PTPRG: variants seen among roughly 807,000 people sequenced by gnomAD.
The protein encoded by PTPRG is receptor-type tyrosine-protein phosphatase gamma.
Under a neutral mutation model 165.3 loss-of-function variants are expected in PTPRG, and 102 were observed. That is an observed-to-expected ratio of 0.62 (90% CI 0.53 to 0.73). The LOEUF (loss-of-function observed/expected upper bound fraction) is 0.73, where lower values mean the gene tolerates loss of function less well. Ranked by LOEUF, PTPRG falls within the 30% of genes least tolerant of loss-of-function variation. The pLI is 0.00. For synonymous variants in PTPRG, 675 were observed against 669.5 expected, an observed-to-expected ratio of 1.01 and a Z score of -0.13; for missense variants, 1,866 against 1,861.4, an observed-to-expected ratio of 1.00 and a Z score of -0.05.
intron 2 of PTPRG, among the ~76,000 whole-genome samples, chr3:61,806,417 C>T (rs1191643868): frequency 6.6e-6 from 1 of 152,220 alleles, no homozygotes; most frequent in East Asian, 1.9e-4. Flanking sequence ...GACTTCATTT[C>T]ACCATCATCC....
At chr3:61,621,433 A>C (rs1037143262) in intron 1 of PTPRG, among the ~76,000 whole-genome samples, 4 of 152,194 alleles carry the variant, frequency 2.6e-5, no homozygotes, top group African/African-American at 9.6e-5. Flanking sequence ...TCTTCTCCCC[A>C]GGTGTGGGGT....
At chr3:61,970,091 TAAGC>T (rs139368630) in intron 2 of PTPRG, among the ~76,000 whole-genome samples, 1,734 of 152,336 alleles carry the variant, frequency 0.011, 29 homozygotes, top group African/African-American at 0.039. Flanking sequence ...TAAATATTCT[TAAGC>T]AAGGTAATGA....
chr3:61,831,768 T>C (rs370684376), intron 2 of PTPRG, among the ~76,000 whole-genome samples: 1 of 152,210 alleles, frequency 6.6e-6, no homozygotes, highest in Non-Finnish European at 1.5e-5. Context: ...GTAAATGATA[T>C]TTTTGTGCCT....
chr3:61,786,557 A>G (rs1241063736), intron 2 of PTPRG, among the ~76,000 whole-genome samples: 2 of 152,224 alleles, frequency 1.3e-5, no homozygotes, highest in Non-Finnish European at 2.9e-5. Flanking sequence ...GAGTCAACGT[A>G]GCGAAGAGTT....
intron 1 of PTPRG, among the ~76,000 whole-genome samples, chr3:61,671,577 C>A (rs1272013415): frequency 1.3e-5 from 2 of 148,174 alleles, no homozygotes; most frequent in Admixed American, 6.7e-5. Context: ...ATTTCTCAAT[C>A]TTTTCCCCAC....
At chr3:61,922,347 C>T (rs764594454) in intron 2 of PTPRG, among the ~76,000 whole-genome samples, 4 of 152,232 alleles carry the variant, frequency 2.6e-5, no homozygotes, top group Non-Finnish European at 4.4e-5. Context: ...GCTTGGCATG[C>T]AGGCTTCCTG....
At chr3:62,185,921 T>A (rs935967809) in intron 8 of PTPRG, among the ~76,000 whole-genome samples, 3 of 152,224 alleles carry the variant, frequency 2.0e-5, no homozygotes, top group African/African-American at 7.2e-5. Flanking sequence ...CCACACTTTC[T>A]GTTATACCAG....
chr3:62,261,829 T>C (rs1250006897), intron 16 of PTPRG: 2 of 152,164 alleles, frequency 1.3e-5, no homozygotes, highest in African/African-American at 4.8e-5. Flanking sequence ...TTCATTGTTT[T>C]CATTATGTTT....
At chr3:61,622,473 C>T (rs1489877629) in intron 1 of PTPRG, among the ~76,000 whole-genome samples, 1 of 152,034 alleles carries the variant, frequency 6.6e-6, no homozygotes, top group East Asian at 1.9e-4. Flanking sequence ...TGACAGATTG[C>T]AGTACGTATT....
chr3:62,073,607 T>C (rs1247496263), intron 4 of PTPRG, among the ~76,000 whole-genome samples: 1 of 152,090 alleles, frequency 6.6e-6, no homozygotes, highest in Non-Finnish European at 1.5e-5. Flanking sequence ...GCCTCCCAAG[T>C]AGCCTCCCAA....
intron 1 of PTPRG, among the ~76,000 whole-genome samples, chr3:61,588,902 A>G (rs1361584984): frequency 6.6e-6 from 1 of 152,188 alleles, no homozygotes; most frequent in African/African-American, 2.4e-5. Context: ...CAGCAGTTGT[A>G]GTCACCTCTC....
At chr3:62,063,446 T>C (rs765121027) in intron 4 of PTPRG, among the ~76,000 whole-genome samples, 3 of 152,200 alleles carry the variant, frequency 2.0e-5, no homozygotes, top group Non-Finnish European at 4.4e-5. Flanking sequence ...CTTGTTTTGC[T>C]CTCTGATTCT....
At chr3:62,279,373 C>G (rs766570222) in intron 26 of PTPRG, among the ~76,000 whole-genome samples, 1 of 152,084 alleles carries the variant, frequency 6.6e-6, no homozygotes, top group Non-Finnish European at 1.5e-5. Flanking sequence ...TTCTACCTTT[C>G]TTCTACCATA....
chr3:62,205,584 G>GT (rs1451809471), intron 12 of PTPRG, among the ~76,000 whole-genome samples: 1 of 152,168 alleles, frequency 6.6e-6, no homozygotes, highest in Non-Finnish European at 1.5e-5. Flanking sequence ...GAGCCAAGTG[G>GT]TAAGAAGGAG....
intron 6 of PTPRG, among the ~76,000 whole-genome samples, chr3:62,135,995 G>T (rs1703696115): frequency 6.6e-6 from 1 of 152,164 alleles, no homozygotes; most frequent in African/African-American, 2.4e-5. Flanking sequence ...GATCCTGGAG[G>T]TGCAGCTGCT....
intron 1 of PTPRG, among the ~76,000 whole-genome samples, chr3:61,627,083 C>G (rs1171471226): frequency 1.5e-5 from 2 of 137,124 alleles, no homozygotes; most frequent in Admixed American, 8.0e-5. Flanking sequence ...TGAATTTGAA[C>G]AAATCAATGT....
At chr3:61,828,880 T>G (rs888215346) in intron 2 of PTPRG, among the ~76,000 whole-genome samples, 6 of 152,154 alleles carry the variant, frequency 3.9e-5, no homozygotes, top group Non-Finnish European at 7.4e-5. Context: ...CTATATTTCC[T>G]TTTTTTCCCT....
At chr3:62,070,621 C>T (rs968852583) in intron 4 of PTPRG, among the ~76,000 whole-genome samples, 3 of 152,226 alleles carry the variant, frequency 2.0e-5, no homozygotes, top group African/African-American at 4.8e-5. Flanking sequence ...TGAGTGTGTG[C>T]GTCCTGGCCT....
At chr3:61,908,978 G>T (rs974659329) in intron 2 of PTPRG, among the ~76,000 whole-genome samples, 1 of 152,132 alleles carries the variant, frequency 6.6e-6, no homozygotes, top group Non-Finnish European at 1.5e-5. Flanking sequence ...CACTAGATAT[G>T]CTATCTTTTC....
Sources: allele counts gnomAD v4.1 joint callset (sites outside exome capture counted in the v4.1 genomes callset), GRCh38; gene constraint gnomAD v4.1.1; transcripts MANE v1.5; gene names NCBI Gene and HGNC (gene_info 2026-07-23, HGNC 2026-07-21).